Variants in RAB35 observed in about 807,000 individuals in gnomAD.
The protein encoded by RAB35 is ras-related protein Rab-35.
In RAB35, 4 loss-of-function variants were observed where a neutral mutation model predicts 28.9. That is an observed-to-expected ratio of 0.14 (90% CI 0.07 to 0.32). RAB35 has a LOEUF of 0.32. Ranked by LOEUF, RAB35 falls within the 10% of genes least tolerant of loss-of-function variation. The pLI is 1.00. For missense variants in RAB35, 128 were observed against 274.0 expected (o/e 0.47, Z 3.76); for synonymous variants, 99 against 105.1 (o/e 0.94, Z 0.35).
chr12:120,108,547 T>C (rs1367854780), intron 1 of RAB35, 80 bp from the exon 2 acceptor site: 8 of 1,359,512 alleles, frequency 5.9e-6, no homozygotes, highest in Non-Finnish European at 8.4e-6. Flanking sequence ...CGGGAGAGGA[T>C]GCCTCAGTCC....
At chr12:120,098,231 C>T (rs887969392) in intron 5 of RAB35, among the ~76,000 whole-genome samples, 80 of 152,244 alleles carry the variant, frequency 5.3e-4, no homozygotes, top group Admixed American at 2.6e-4. Context: ...CTGCTGTTCA[C>T]GGACATAGGT....
At chr12:120,115,020 GCCA>G (rs1876272793) in intron 1 of RAB35, among the ~76,000 whole-genome samples, 1 of 152,040 alleles carries the variant, frequency 6.6e-6, no homozygotes, top group Middle Eastern at 3.2e-3. Context: ...AATACCAAAG[GCCA>G]TCTCCAAGAG....
Position 120,103,963 on chromosome 12 carries a change from G to A in RAB35, c.104-14C>T. 1.9e-6 allele frequency: 3 copies of A among 1,613,600 alleles called. No homozygotes were observed. Among genetic ancestry groups the A allele is most frequent in the South Asian group, 1.1e-5 (1 of 91,062 alleles). ...TGATGTAGCTGCCTGCACACACAGGGCAGTTAACGAGGCCCAGCGCGGTAT... is the reference window on the plus strand; with the variant it reads ...TGATGTAGCTGCCTGCACACACAGGACAGTTAACGAGGCCCAGCGCGGTAT... On this transcript the variant is annotated splice_polypyrimidine_tract_variant and intron_variant, in intron 2 of 5. Coordinates refer to ENST00000229340, the MANE Select transcript of RAB35 (RefSeq NM_006861.7). This position sits in a 1 kb window ranked among gnomAD's most constrained non-coding sequence, Gnocchi z 6.1.
At chr12:120,099,425 T>G in intron 3 of RAB35, 1 of 532,854 alleles carries the variant, frequency 1.9e-6, no homozygotes, top group Non-Finnish European at 3.4e-6. Context: ...AGGAGTCACC[T>G]CCTGCTGTTC....
rs543491546 is a variant in RAB35, at chr12:120,103,427, A to G, written c.227+399T>C. Among the ~76,000 whole-genome samples the G allele has an allele frequency of 3.9e-5, 6 of 152,366 alleles. No homozygotes were observed. On this transcript the variant is annotated intron_variant, in intron 3 of 5. Coordinates refer to ENST00000229340, the MANE Select transcript of RAB35 (RefSeq NM_006861.7). This position sits in a 1 kb window ranked among gnomAD's most constrained non-coding sequence, Gnocchi z 6.1. Reference sequence around the variant, plus strand: ...CCTGCACAGGCCAACTCCAGCTGCCATAACTGACACCTACCAAGAGGAATT... The same window carrying G: ...CCTGCACAGGCCAACTCCAGCTGCCGTAACTGACACCTACCAAGAGGAATT...
Position 120,097,185 on chromosome 12 carries a change from C to T in RAB35, c.*60G>A, listed in dbSNP as rs769210847. On this transcript the variant is annotated 3_prime_UTR_variant, in exon 6 of 6. Coordinates refer to ENST00000229340, the MANE Select transcript of RAB35 (RefSeq NM_006861.7). ...ACTGAGACTGTCCCCCGAGGAACCT[C>T]CGTGGGCCTCGGGCTGGGGGAGGGA... 1.2e-6 allele frequency: 2 copies of T among 1,613,250 alleles called. No homozygotes were observed. Among genetic ancestry groups the T allele is most frequent in the African/African-American group, 1.3e-5 (1 of 74,798 alleles).
chr12:120,115,513 T>G (rs1876293468), intron 1 of RAB35, among the ~76,000 whole-genome samples: 1 of 152,152 alleles, frequency 6.6e-6, no homozygotes, highest in African/African-American at 2.4e-5. Flanking sequence ...CCATAAACCT[T>G]CTGGGGCCTG....
chr12:120,097,119 A>T lies in RAB35; in HGVS notation c.*126T>A. 1 of 1,601,224 alleles carries T rather than the reference A, an allele frequency of 6.2e-7. No individual in the cohort carries two copies. The highest frequency in any genetic ancestry group is 8.5e-7 in the Non-Finnish European group (1 of 1,177,198). ...GAGGAAGTGCCGATGGCACCTCCCGATACAAAAACATGGAGAGAATTCTTT... is the reference window on the plus strand; with the variant it reads ...GAGGAAGTGCCGATGGCACCTCCCGTTACAAAAACATGGAGAGAATTCTTT... On this transcript the variant is annotated 3_prime_UTR_variant, in exon 6 of 6. Transcript: ENST00000229340.
intron 1 of RAB35, among the ~76,000 whole-genome samples, chr12:120,108,883 G>A (rs933863402): frequency 3.3e-5 from 5 of 152,232 alleles, no homozygotes; most frequent in South Asian, 2.1e-4. Flanking sequence ...TTAGGGAGCC[G>A]CCCAAAATGA....
In RAB35 at chr12:120,096,434, G is replaced by A. The variant is rs774334668; in HGVS notation, c.*811C>T. The A allele has an allele frequency of 1.1e-5, 14 of 1,287,332 alleles. No homozygotes were observed. Among genetic ancestry groups the A allele is most frequent in the Non-Finnish European group, 1.4e-5 (14 of 987,218 alleles). The allele number at this position is 1,287,332 out of a possible 1,614,324, so 79.7% of individuals were successfully genotyped here. On this transcript the variant is annotated 3_prime_UTR_variant, in exon 6 of 6. Coordinates refer to ENST00000229340, the MANE Select transcript of RAB35 (RefSeq NM_006861.7). ...GATCTGTTAAAATAATCCTCCCATA[G>A]CCCCCCTGCCAGCCCCATCTCTGCA...
intron 1 of RAB35, among the ~76,000 whole-genome samples, chr12:120,110,945 C>T (rs1876093605): frequency 6.6e-6 from 1 of 152,210 alleles, no homozygotes; most frequent in Admixed American, 6.5e-5. Context: ...GCGCTGTGCC[C>T]AACACCAGCA....
chr12:120,103,794 C>T lies in RAB35; in HGVS notation c.227+32G>A, dbSNP rs375687780. On this transcript the variant is annotated intron_variant, in intron 3 of 5. Transcript: ENST00000229340. The surrounding 1 kb of genome is among the most constrained non-coding windows in gnomAD (Gnocchi z 6.1). ...CAACTGTGTCCACAGGTCAGTGGCG[C>T]GGGTTGGGTGGGAGTGGGCGTGTGG... 39 of 1,611,446 alleles carry T rather than the reference C, an allele frequency of 2.4e-5. No homozygotes were observed. The highest frequency in any genetic ancestry group is 4.5e-5 in the East Asian group (2 of 44,860).
chr12:120,100,105 T>C (rs1204390819), intron 3 of RAB35, among the ~76,000 whole-genome samples: 2 of 152,106 alleles, frequency 1.3e-5, no homozygotes, highest in African/African-American at 4.8e-5. Context: ...CCAGCCCTAA[T>C]TACCTCCACC....
At chr12:120,098,087 T>C (rs1875503635) in intron 5 of RAB35, among the ~76,000 whole-genome samples, 1 of 152,106 alleles carries the variant, frequency 6.6e-6, no homozygotes, top group African/African-American at 2.4e-5. Context: ...GGTTCCACCA[T>C]GTTAGCCAGG....
intron 1 of RAB35, among the ~76,000 whole-genome samples, chr12:120,112,675 C>G (rs961698000): frequency 4.0e-5 from 6 of 150,560 alleles, no homozygotes; most frequent in Non-Finnish European, 7.4e-5. Flanking sequence ...AGTGATCCTC[C>G]ACCTCGGCCT....
chr12:120,100,629 T>TGCCCCTGCCACC (rs1483622189), intron 3 of RAB35, among the ~76,000 whole-genome samples: 1 of 152,116 alleles, frequency 6.6e-6, no homozygotes, highest in Non-Finnish European at 1.5e-5. Flanking sequence ...AAGCCCAACC[T>TGCCCCTGCCACC]GCCCCTGCCA....
At chr12:120,102,146 G>A (rs1294736509) in intron 3 of RAB35, among the ~76,000 whole-genome samples, 1 of 152,184 alleles carries the variant, frequency 6.6e-6, no homozygotes, top group East Asian at 1.9e-4. Flanking sequence ...CCCAACCTCT[G>A]CCCCACTGAG....
intron 3 of RAB35, among the ~76,000 whole-genome samples, chr12:120,101,814 C>T (rs1369228986): frequency 6.6e-6 from 1 of 152,210 alleles, no homozygotes; most frequent in Non-Finnish European, 1.5e-5. Flanking sequence ...CCATGTTGCT[C>T]CCAGGAAGCT....
chr12:120,095,906 CCA>C lies in RAB35; in HGVS notation c.*1337_*1338del, dbSNP rs1875365157. 6.5e-6 allele frequency: 1 copy of C among 154,560 alleles called. No individual in the cohort carries two copies. The highest frequency in any genetic ancestry group is 6.4e-5 in the Admixed American group (1 of 15,656). The allele number at this position is 154,560 out of a possible 1,614,324, so 9.6% of individuals were successfully genotyped here. ...ATCCTGGTGTTAAACTCGGTTCTTCCCAGGTCACTTGATCCCTGTAGTGGGAG... is the reference window on the plus strand; with the variant it reads ...ATCCTGGTGTTAAACTCGGTTCTTCCGGTCACTTGATCCCTGTAGTGGGAG... On this transcript the variant is annotated 3_prime_UTR_variant, in exon 6 of 6. Transcript: ENST00000229340.
Sources: gnomAD v4.1 joint callset for allele counts (sites outside exome capture counted in the v4.1 genomes callset) on GRCh38, gnomAD v4.1.1 for gene constraint, Gnocchi (gnomAD v3.1) non-coding constraint, MANE v1.5 for transcripts, NCBI Gene and HGNC (gene_info 2026-07-23, HGNC 2026-07-21) for gene names.